Variants in PPEF1 observed in about 807,000 individuals in gnomAD.
The protein encoded by PPEF1 is protein phosphatase with EF-hand domain 1, also known as serine/threonine-protein phosphatase with EF-hands 1.
Under a neutral mutation model 53.3 loss-of-function variants are expected in PPEF1, and 12 were observed. That is an observed-to-expected ratio of 0.23 (90% CI 0.14 to 0.36). The LOEUF is 0.36. Ranked by LOEUF, PPEF1 falls within the 10% of genes least tolerant of loss-of-function variation. PPEF1 has a pLI of 1.00. For synonymous variants in PPEF1, 165 were observed against 176.7 expected (o/e 0.93, Z 0.52); for missense variants, 334 against 490.4 (o/e 0.68, Z 3.01).
chrX:18,709,616 G>C (rs898674235), intron 1 of PPEF1, among the ~76,000 whole-genome samples: 3 of 108,653 alleles, frequency 2.8e-5, no homozygotes, highest in Non-Finnish European at 5.7e-5. Flanking sequence ...TCCTGCCTCA[G>C]CCTCTGGAGT....
intron 1 of PPEF1, among the ~76,000 whole-genome samples, chrX:18,718,246 T>C (rs961620115): frequency 8.9e-6 from 1 of 111,959 alleles, no homozygotes; most frequent in Non-Finnish European, 1.9e-5. Context: ...ATAGGGGCTA[T>C]TTAGATATCC....
chrX:18,747,256 CAG>C (rs2045349638), intron 3 of PPEF1, among the ~76,000 whole-genome samples: 1 of 110,798 alleles, frequency 9.0e-6, no homozygotes, highest in African/African-American at 3.3e-5. Flanking sequence ...AATTGTGTTA[CAG>C]AGTCTGAAGA....
intron 13 of PPEF1, among the ~76,000 whole-genome samples, 198 bp downstream of exon 13, chrX:18,818,343 G>A (rs762825367): frequency 1.9e-5 from 2 of 105,165 alleles, no homozygotes; most frequent in African/African-American, 6.9e-5. Flanking sequence ...TTTCAACTTG[G>A]AAAACTAACA....
At chrX:18,718,414 A>G (rs762261399) in intron 1 of PPEF1, among the ~76,000 whole-genome samples, 4 of 106,982 alleles carry the variant, frequency 3.7e-5, no homozygotes, top group South Asian at 4.1e-4. Context: ...CTACCAAAGG[A>G]AAAAAAAAAT....
chrX:18,806,264 C>A, intron 11 of PPEF1, 139 bp from the exon 12 acceptor site: 1 of 673,053 alleles, frequency 1.5e-6, no homozygotes, highest in Non-Finnish European at 2.2e-6. Flanking sequence ...ATAGAAATCA[C>A]ATCAGACTGT....
intron 10 of PPEF1, among the ~76,000 whole-genome samples, chrX:18,794,795 A>T (rs891591572): frequency 5.4e-5 from 6 of 111,970 alleles, no homozygotes; most frequent in Non-Finnish European, 1.1e-4. Context: ...ATAGCCCTCT[A>T]CTGGGAGCTG....
intron 13 of PPEF1, among the ~76,000 whole-genome samples, chrX:18,822,593 C>G (rs12007802): frequency 0.061 from 6,712 of 109,400 alleles, 525 homozygotes; most frequent in African/African-American, 0.21. Context: ...ACTGCAAGCT[C>G]TGCCTCCTGG....
chrX:18,722,712 T>C (rs1326537915), intron 1 of PPEF1, among the ~76,000 whole-genome samples: 5 of 111,716 alleles, frequency 4.5e-5, no homozygotes, highest in Non-Finnish European at 9.4e-5. Context: ...TCCCAGCTCT[T>C]ATGGAGATTA....
intron 6 of PPEF1, among the ~76,000 whole-genome samples, chrX:18,776,513 T>C: frequency 8.9e-6 from 1 of 111,823 alleles, no homozygotes; most frequent in Non-Finnish European, 1.9e-5. Flanking sequence ...TTAGGATTAC[T>C]GTTGTGAGCC....
At chrX:18,766,161 G>C (rs5909234) in intron 6 of PPEF1, among the ~76,000 whole-genome samples, 1 of 110,207 alleles carries the variant, frequency 9.1e-6, no homozygotes, top group Non-Finnish European at 1.9e-5. Context: ...ATGACACGTA[G>C]AGCTTGGGGG....
At chrX:18,745,967 A>G (rs1388188624) in intron 3 of PPEF1, among the ~76,000 whole-genome samples, 6 of 112,182 alleles carry the variant, frequency 5.3e-5, no homozygotes, top group African/African-American at 1.9e-4. Context: ...TGTGGGTGGT[A>G]GAGGCAGAAA....
At chrX:18,687,258 C>T (rs762941251) in intron 3 of PPEF1, among the ~76,000 whole-genome samples, 1 of 111,334 alleles carries the variant, frequency 9.0e-6, no homozygotes, top group African/African-American at 3.3e-5. Flanking sequence ...CGAACACTGC[C>T]ACCTAGAACA....
intron 10 of PPEF1, among the ~76,000 whole-genome samples, chrX:18,794,721 T>G (rs2046395631): frequency 8.9e-6 from 1 of 112,265 alleles, no homozygotes; most frequent in South Asian, 3.7e-4. Flanking sequence ...GAATCCAGCT[T>G]CTGTAACGCA....
chrX:18,803,313 A>C (rs5909244), intron 10 of PPEF1, among the ~76,000 whole-genome samples: 1 of 112,159 alleles, frequency 8.9e-6, no homozygotes, highest in Non-Finnish European at 1.9e-5. Context: ...CGCCCTGGGC[A>C]GGCCAGGTGT....
intron 6 of PPEF1, among the ~76,000 whole-genome samples, chrX:18,773,238 G>A (rs756276762): frequency 8.9e-6 from 1 of 112,273 alleles, no homozygotes; most frequent in Non-Finnish European, 1.9e-5. Flanking sequence ...AAGCAAAAAT[G>A]TGTTCTTTTA....
At chrX:18,715,304 G>A (rs922554663) in intron 1 of PPEF1, among the ~76,000 whole-genome samples, 2 of 111,545 alleles carry the variant, frequency 1.8e-5, no homozygotes, top group African/African-American at 6.5e-5. Flanking sequence ...GGCTGAGGTG[G>A]GTGGATCACT....
intron 6 of PPEF1, among the ~76,000 whole-genome samples, chrX:18,776,672 A>G (rs1294026438): frequency 2.7e-5 from 3 of 111,760 alleles, no homozygotes; most frequent in African/African-American, 9.8e-5. Context: ...TGTAATCACA[A>G]CACTTTGGGA....
At chrX:18,798,554 T>G (rs753995402) in intron 10 of PPEF1, among the ~76,000 whole-genome samples, 4 of 111,513 alleles carry the variant, frequency 3.6e-5, no homozygotes, top group African/African-American at 9.8e-5. Flanking sequence ...CAATGAGGCC[T>G]GAAGGGTGGA....
chrX:18,745,096 T>TTATATATTATATAATTATATTA lies in PPEF1; in HGVS notation c.236-4660_236-4639dup, dbSNP rs1179403665. 2.1e-3 allele frequency among the ~76,000 whole-genome samples: 205 copies of TTATATATTATATAATTATATTA among 96,584 alleles called. 2 individuals are homozygous for TTATATATTATATAATTATATTA. Among genetic ancestry groups the TTATATATTATATAATTATATTA allele is most frequent in the African/African-American group, 6.1e-3 (162 of 26,452 alleles). The allele number at this position is 96,584 out of a possible 115,157, so 83.9% of individuals were successfully genotyped here. ...ATTATATATTTATATGGAATATATATTATATATTATATAATTATATTATAT... is the reference window on the plus strand; with the variant it reads ...ATTATATATTTATATGGAATATATATTATATATTATATAATTATATTATATATATTATATAATTATATTATAT... On this transcript the variant is annotated intron_variant, in intron 3 of 15. Transcript: ENST00000470157.
Sources: gnomAD v4.1 joint callset for allele counts (sites outside exome capture counted in the v4.1 genomes callset) on GRCh38, gnomAD v4.1.1 for gene constraint, MANE v1.5 for transcripts, NCBI Gene and HGNC (gene_info 2026-07-23, HGNC 2026-07-21) for gene names.